Variants in SOBP observed in about 807,000 individuals in gnomAD.
SOBP encodes sine oculis binding protein homolog, also known as sine oculis-binding protein homolog.
In SOBP, 4 loss-of-function variants were observed where a neutral mutation model predicts 53.6. The ratio of observed to expected loss-of-function variants is 0.07; its 90% CI spans 0.04 to 0.17. The LOEUF (loss-of-function observed/expected upper bound fraction) is 0.17. SOBP is among the 10% of genes least tolerant of loss of function. SOBP has a pLI of 1.00. For missense variants in SOBP, 1,088 were observed against 1,204.7 expected (o/e 0.90, Z 1.43); for synonymous variants, 584 against 522.6 (o/e 1.12, Z -1.60).
rs780408072 is a variant in SOBP, at chr6:107,634,453, A to G, written c.1609A>G (p.Ile537Val). Residue 537 changes from isoleucine (I) to valine (V), a missense_variant, in exon 6 of 7, where the codon ATC (isoleucine) becomes GTC (valine). This residue lies in a region of SOBP where 665 missense variants were observed against 629.7 expected (regional missense o/e 1.06). Coordinates refer to ENST00000317357, the MANE Select transcript of SOBP (RefSeq NM_018013.4). This position sits in a 1 kb window ranked among gnomAD's most constrained non-coding sequence, Gnocchi z 4.5. ...CGTGATCGTGCCCCTACCGGTGCCCATCCCCATCCCCATCCCTATCCCTCA... is the reference window on the plus strand; with the variant it reads ...CGTGATCGTGCCCCTACCGGTGCCCGTCCCCATCCCCATCCCTATCCCTCA... ...YPVIVPLPVP[I>V]PIPIPIPHVS... The G allele has an allele frequency of 3.7e-6, 6 of 1,608,790 alleles. No individual in the cohort carries two copies. The South Asian group carries it at 6.6e-5, about 18-fold the overall frequency.
chr6:107,608,862 T>G (rs574231595), intron 5 of SOBP, among the ~76,000 whole-genome samples: 1 of 152,184 alleles, frequency 6.6e-6, no homozygotes. Context: ...TCACATCCTG[T>G]TGGGGAGAGG....
chr6:107,619,173 T>C (rs1388931263), intron 5 of SOBP, among the ~76,000 whole-genome samples: 1 of 152,048 alleles, frequency 6.6e-6, no homozygotes. Flanking sequence ...GGTTCTGGGG[T>C]GTAAAGGTGC....
intron 6 of SOBP, among the ~76,000 whole-genome samples, chr6:107,649,012 C>G (rs762948320): frequency 2.6e-5 from 4 of 151,536 alleles, no homozygotes; most frequent in Non-Finnish European, 5.9e-5. Flanking sequence ...GACCCCATCT[C>G]TACAAAAAAT....
intron 4 of SOBP, among the ~76,000 whole-genome samples, chr6:107,537,326 C>T (rs886737436): frequency 6.6e-6 from 1 of 152,092 alleles, no homozygotes; most frequent in African/African-American, 2.4e-5. Context: ...TCTTATTGTC[C>T]AAACTAATAT....
rs763171710 is a variant in SOBP at position 107,635,320 on chromosome 6, T to C, written c.2476T>C (p.Cys826Arg). The C allele has an allele frequency of 2.5e-6, 4 of 1,613,482 alleles. No individual in the cohort carries two copies. Among genetic ancestry groups the C allele is most frequent in the Non-Finnish European group, 3.4e-6 (4 of 1,180,008 alleles). Reference protein sequence around the residue: ...YALRMLPKTGCVIQPVPKPAE... With the variant: ...YALRMLPKTGRVIQPVPKPAE... ...TCTGCGGATGCTGCCCAAGACCGGC[T>C]GCGTGATCCAGCCTGTGCCAAAACC... The change falls in exon 6 of 7, where the codon TGC becomes CGC. Residue 826 changes from cysteine to arginine, a missense_variant. This residue lies in a region of SOBP where 665 missense variants were observed against 629.7 expected (regional missense o/e 1.06). Transcript: ENST00000317357. This position sits in a 1 kb window ranked among gnomAD's most constrained non-coding sequence, Gnocchi z 4.5.
chr6:107,654,828 G>T (rs1771960523), intron 6 of SOBP, among the ~76,000 whole-genome samples: 2 of 149,400 alleles, frequency 1.3e-5, no homozygotes, highest in South Asian at 2.2e-4. Context: ...TCTGAGGGGA[G>T]GGTGGCTGAG....
At chr6:107,633,487 T>G in intron 5 of SOBP, 27 bp from the exon 6 acceptor site, 1 of 1,614,200 alleles carries the variant, frequency 6.2e-7, no homozygotes, top group South Asian at 1.1e-5. Context: ...GTCTTACCTG[T>G]TGTGGTTTTT....
chr6:107,632,136 T>A (rs1010230188), intron 5 of SOBP, among the ~76,000 whole-genome samples: 2 of 152,176 alleles, frequency 1.3e-5, no homozygotes, highest in Admixed American at 6.5e-5. Flanking sequence ...ATAGTTTTTT[T>A]AAAAAACCAA....
rs756217330 is a variant in SOBP at position 107,635,070 on chromosome 6, C to T, written c.2226C>T (p.Pro742=). The change falls in exon 6 of 7, where the codon CCC becomes CCT. Residue 742 remains proline, a synonymous_variant. Coordinates refer to ENST00000317357, the MANE Select transcript of SOBP (RefSeq NM_018013.4). This position sits in a 1 kb window ranked among gnomAD's most constrained non-coding sequence, Gnocchi z 4.5. The part of the protein sequence containing the change: ...AEGAKSAEPP[P]EQPPPPPPPA... ...GCGCTAAGAGCGCGGAGCCGCCTCC[C>T]GAGCAGCCGCCGCCGCCGCCGCCGC... 16 of 1,557,196 alleles carry T rather than the reference C, an allele frequency of 1.0e-5. No homozygotes were observed. The highest frequency in any genetic ancestry group is 2.5e-5 in the East Asian group (1 of 40,804).
intron 5 of SOBP, among the ~76,000 whole-genome samples, chr6:107,613,176 C>T (rs950264115): frequency 3.9e-5 from 6 of 152,176 alleles, no homozygotes; most frequent in East Asian, 1.9e-4. Context: ...GAACTCAGAA[C>T]GCTAGGTGGA....
intron 5 of SOBP, among the ~76,000 whole-genome samples, chr6:107,597,120 A>AAC (rs1785973825): frequency 1.3e-5 from 2 of 152,244 alleles, no homozygotes; most frequent in South Asian, 4.1e-4. Flanking sequence ...GGGGAAAAGA[A>AAC]ACACGTGAAC....
intron 3 of SOBP, among the ~76,000 whole-genome samples, chr6:107,518,162 T>C (rs968017461): frequency 1.3e-5 from 2 of 152,082 alleles, no homozygotes; most frequent in Admixed American, 1.3e-4. Flanking sequence ...ATAAAACAGC[T>C]CAATAGAAAA....
intron 5 of SOBP, among the ~76,000 whole-genome samples, chr6:107,588,609 G>A (rs773561278): frequency 6.6e-6 from 1 of 152,098 alleles, no homozygotes; most frequent in Non-Finnish European, 1.5e-5. Flanking sequence ...AATGCTTTGG[G>A]GTAGCTTACT....
At position 107,635,185 on chromosome 6, in the gene SOBP, C is replaced by T; in HGVS notation, c.2341C>T (p.His781Tyr). The change falls in exon 6 of 7, where the codon CAC (histidine) becomes TAC (tyrosine). Residue 781 changes from histidine to tyrosine, a missense_variant. His to Tyr is a moderately conservative substitution (Grantham distance 83). Coordinates refer to ENST00000317357, the MANE Select transcript of SOBP (RefSeq NM_018013.4). This position sits in a 1 kb window ranked among gnomAD's most constrained non-coding sequence, Gnocchi z 4.5. ...VKENNCASNCHLDGEAAKKLM... is the reference protein window; with the variant it reads ...VKENNCASNCYLDGEAAKKLM... ...GGAGAATAACTGTGCTTCCAACTGC[C>T]ACCTGGACGGGGAGGCGGCCAAAAA... 6.2e-7 allele frequency: 1 copy of T among 1,613,854 alleles called. No individual in the cohort carries two copies. The highest frequency in any genetic ancestry group is 8.5e-7 in the Non-Finnish European group (1 of 1,179,948).
At position 107,634,858 on chromosome 6, in the gene SOBP, C is replaced by G. The variant is rs1218064130; in HGVS notation, c.2014C>G (p.Leu672Val). The G allele has an allele frequency of 7.2e-7, 1 of 1,390,574 alleles. No homozygotes were observed. The highest frequency in any genetic ancestry group is 1.5e-5 in the African/African-American group (1 of 66,486). 86.1% of individuals were successfully genotyped at this position (1,390,574 alleles called of 1,614,324 possible). A position where few individuals can be genotyped will look rare whatever the true frequency, so the allele number is the denominator to read the frequency against. The change falls in exon 6 of 7, where the codon CTG becomes GTG. Residue 672 changes from leucine (L) to valine (V), a missense_variant. Physicochemically the swap from Leu to Val is conservative, Grantham distance 32. Coordinates refer to ENST00000317357, the MANE Select transcript of SOBP (RefSeq NM_018013.4). The surrounding 1 kb of genome is among the most constrained non-coding windows in gnomAD (Gnocchi z 4.5). ...GCTGCACAACGTGATCCACCGCGCG[C>G]TGCACGCGCACGTCAAGGCGGAGCG... ...ARLHNVIHRA[L>V]HAHVKAEREP...
At chr6:107,554,609 A>G (rs1436032333) in intron 4 of SOBP, among the ~76,000 whole-genome samples, 2 of 152,186 alleles carry the variant, frequency 1.3e-5, no homozygotes, top group African/African-American at 2.4e-5. Flanking sequence ...TGCTGGGGGA[A>G]GTAGAGCTGG....
At chr6:107,512,686 C>T (rs28396756) in intron 3 of SOBP, among the ~76,000 whole-genome samples, 1 of 152,136 alleles carries the variant, frequency 6.6e-6, no homozygotes, top group Non-Finnish European at 1.5e-5. Context: ...AGGACTTTTT[C>T]CCCTCTAGTT....
At chr6:107,507,205 A>G (rs1032208204) in intron 3 of SOBP, among the ~76,000 whole-genome samples, 3 of 152,218 alleles carry the variant, frequency 2.0e-5, no homozygotes, top group Non-Finnish European at 4.4e-5. Flanking sequence ...GCTTTCCTCT[A>G]AATCCATTAG....
intron 4 of SOBP, among the ~76,000 whole-genome samples, chr6:107,564,581 A>AACTAACTAAC (rs756813445): frequency 6.6e-6 from 1 of 151,978 alleles, no homozygotes; most frequent in African/African-American, 2.4e-5. Flanking sequence ...GTTGTTGACC[A>AACTAACTAAC]TAGCTCTGTG....
Sources: allele counts gnomAD v4.1 joint callset (sites outside exome capture counted in the v4.1 genomes callset), GRCh38; gene constraint gnomAD v4.1.1; regional missense constraint gnomAD v4.1.1; non-coding constraint Gnocchi (gnomAD v3.1); transcripts MANE v1.5; gene names NCBI Gene and HGNC (gene_info 2026-07-23, HGNC 2026-07-21).